RYR2: variants seen among roughly 807,000 people sequenced by gnomAD.
RYR2 encodes cardiac muscle ryanodine receptor-calcium release channel.
Under a neutral mutation model 601.1 loss-of-function variants are expected in RYR2, and 227 were observed. The observed-to-expected ratio is 0.38, with a 90% CI of 0.34 to 0.42. The LOEUF (loss-of-function observed/expected upper bound fraction) is 0.42. RYR2 is among the 10% of genes least tolerant of loss of function. RYR2 has a pLI of 1.00. For synonymous variants in RYR2, 2,223 were observed against 2,175.1 expected, an observed-to-expected ratio of 1.02 and a Z score of -0.61; for missense variants, 4,646 against 6,156.5, an observed-to-expected ratio of 0.75 and a Z score of 8.21.
chr1:237,085,531 A>T (rs954538263), intron 1 of RYR2, among the ~76,000 whole-genome samples: 13 of 152,218 alleles, frequency 8.5e-5, no homozygotes, highest in African/African-American at 2.4e-4. Flanking sequence ...GGCTGAAGCC[A>T]CAAGGGTATA....
Position 237,798,144 on chromosome 1 carries a change from A to C in RYR2, c.14064A>C (p.Pro4688=), listed in dbSNP as rs2149404496. 1 of 1,612,558 alleles carries C rather than the reference A, an allele frequency of 6.2e-7. No homozygotes were observed. The highest frequency in any genetic ancestry group is 8.5e-7 in the Non-Finnish European group (1 of 1,179,288). The part of the protein sequence containing the change: ...DFSDAREKKK[P]KKDSSLSAVL... Reference sequence around the variant, plus strand: ...GTGATGCCAGAGAAAAGAAGAAGCCAAAGAAAGACAGCTCCTTATCAGCTG... The same window carrying C: ...GTGATGCCAGAGAAAAGAAGAAGCCCAAGAAAGACAGCTCCTTATCAGCTG... Residue 4688 remains proline (P), a synonymous_variant, in exon 97 of 105, where the codon CCA becomes CCC. Transcript: ENST00000366574.
rs1349954317 is a variant in RYR2 at position 237,640,984 on chromosome 1, C to T, written c.7203C>T (p.Arg2401=). 2 of 1,612,042 alleles carry T rather than the reference C, an allele frequency of 1.2e-6. No homozygotes were observed. The highest frequency in any genetic ancestry group is 2.2e-5 in the East Asian group (1 of 44,858). ...CAGCTTTGATTGACCTCTTGGGACG[C>T]TGTGCTCCTGAGATGCATGTGAGTT... ...FYSALIDLLG[R]CAPEMHLIHA... is the part of the protein sequence containing the mutation. The change falls in exon 47 of 105, where the codon CGC becomes CGT. Residue 2401 remains arginine (R), a synonymous_variant. Coordinates refer to ENST00000366574, the MANE Select transcript of RYR2 (RefSeq NM_001035.3).
rs1320129086 is a variant in RYR2, at chr1:237,180,416, G to T, written c.49-90081G>T. On this transcript the variant is annotated intron_variant, in intron 1 of 104. Coordinates refer to ENST00000366574, the MANE Select transcript of RYR2 (RefSeq NM_001035.3). The surrounding 1 kb of genome is among the most constrained non-coding windows in gnomAD (Gnocchi z 5.3). Reference sequence around the variant, plus strand: ...CTGATTTATCTCTTGATTGCTCTCTGGTAACCGACTCTCCAGCCTCTTCAT... The same window carrying T: ...CTGATTTATCTCTTGATTGCTCTCTTGTAACCGACTCTCCAGCCTCTTCAT... 1.3e-5 allele frequency among the ~76,000 whole-genome samples: 2 copies of T among 151,854 alleles called. No individual in the cohort carries two copies. Among genetic ancestry groups the T allele is most frequent in the Non-Finnish European group, 2.9e-5 (2 of 68,004 alleles).
intron 17 of RYR2, among the ~76,000 whole-genome samples, chr1:237,480,592 AT>A (rs112095247): frequency 0.32 from 48,544 of 151,624 alleles, 9,374 homozygotes; most frequent in African/African-American, 0.56. Flanking sequence ...TAGTTTGTCT[AT>A]TTTTTTATAA....
At chr1:237,443,498 A>G (rs778394528) in intron 13 of RYR2, among the ~76,000 whole-genome samples, 36 of 152,220 alleles carry the variant, frequency 2.4e-4, no homozygotes, top group Non-Finnish European at 4.9e-4. Context: ...TAAAATAACT[A>G]AGTTACCAGA....
chr1:237,069,173 A>C (rs917585147), intron 1 of RYR2, among the ~76,000 whole-genome samples: 2 of 152,150 alleles, frequency 1.3e-5, no homozygotes, highest in Non-Finnish European at 2.9e-5. Context: ...CCCTAGAAAA[A>C]TCCATGCAGC....
At position 237,549,403 on chromosome 1, in the gene RYR2, C is replaced by T. The variant is rs906351668; in HGVS notation, c.3066+813C>T. Among the ~76,000 whole-genome samples, 7 of 151,868 alleles carry T rather than the reference C, an allele frequency of 4.6e-5. No homozygotes were observed. In the East Asian group the frequency reaches 1.2e-3, roughly 25 times the overall value. On this transcript the variant is annotated intron_variant, in intron 26 of 104. Coordinates refer to ENST00000366574, the MANE Select transcript of RYR2 (RefSeq NM_001035.3). ...CAGCCTGGGCAACATAGTGAGAGAC[C>T]GTCTCTACAAAAAATTAAAAAATTA...
At chr1:237,628,563 T>G (rs980747391) in intron 41 of RYR2, among the ~76,000 whole-genome samples, 3 of 152,148 alleles carry the variant, frequency 2.0e-5, no homozygotes, top group Non-Finnish European at 2.9e-5. Context: ...TCATTTTTTA[T>G]GGCTGCATAG....
chr1:237,818,771 C>G (rs902950576), intron 100 of RYR2, among the ~76,000 whole-genome samples: 2 of 151,468 alleles, frequency 1.3e-5, no homozygotes, highest in Non-Finnish European at 2.9e-5. Context: ...ATACAAGATG[C>G]TAGAAAATTT....
chr1:237,611,061 G>A, intron 36 of RYR2, 73 bp downstream of exon 36: 9 of 1,304,636 alleles, frequency 6.9e-6, no homozygotes, highest in Non-Finnish European at 8.7e-6. Flanking sequence ...GCTTCCGGTA[G>A]TGGTGCGGGG....
At chr1:237,333,730 A>C in intron 3 of RYR2, 1 of 433,750 alleles carries the variant, frequency 2.3e-6, no homozygotes, top group South Asian at 1.6e-5. Flanking sequence ...TCCCCTTTAC[A>C]CTCATTATGG....
intron 1 of RYR2, among the ~76,000 whole-genome samples, chr1:237,219,475 G>T (rs1683559596): frequency 6.6e-6 from 1 of 152,072 alleles, no homozygotes; most frequent in Admixed American, 6.6e-5. Context: ...GAACCCTCTT[G>T]CCCCCGGAGA....
At chr1:237,378,426 T>C (rs1701205976) in intron 8 of RYR2, among the ~76,000 whole-genome samples, 1 of 152,184 alleles carries the variant, frequency 6.6e-6, no homozygotes, top group African/African-American at 2.4e-5. Context: ...TAAGTTGAAA[T>C]GAAGATGTGA....
chr1:237,238,132 A>T (rs1685783831), intron 1 of RYR2, among the ~76,000 whole-genome samples: 1 of 151,244 alleles, frequency 6.6e-6, no homozygotes, highest in Admixed American at 6.6e-5. Flanking sequence ...CACCTGGCTA[A>T]TTTTTGTATT....
chr1:237,620,435 C>G (rs1001341494), intron 38 of RYR2, among the ~76,000 whole-genome samples: 10 of 151,952 alleles, frequency 6.6e-5, no homozygotes, highest in Admixed American at 4.6e-4. Context: ...TCAGAACAAA[C>G]GGAACCACAG....
intron 21 of RYR2, among the ~76,000 whole-genome samples, chr1:237,503,015 T>A (rs2150491477): frequency 6.6e-6 from 1 of 152,292 alleles, no homozygotes; most frequent in African/African-American, 2.4e-5. Context: ...GTGCATGTGC[T>A]TTTGGTTACT....
intron 1 of RYR2, among the ~76,000 whole-genome samples, chr1:237,062,232 A>G (rs1662972617): frequency 6.6e-6 from 1 of 152,274 alleles, no homozygotes; most frequent in South Asian, 2.1e-4. Flanking sequence ...CTTTCATTTC[A>G]GTTTAAATTT....
chr1:237,771,246 C>CA (rs1694248071), intron 85 of RYR2, among the ~76,000 whole-genome samples: 1 of 151,756 alleles, frequency 6.6e-6, no homozygotes, highest in African/African-American at 2.4e-5. Context: ...CCCATCTCTA[C>CA]AAAAAATTTA....
intron 24 of RYR2, among the ~76,000 whole-genome samples, chr1:237,520,295 T>C (rs1666964991): frequency 6.6e-6 from 1 of 152,216 alleles, no homozygotes; most frequent in Admixed American, 6.5e-5. Context: ...ATGCCATTTA[T>C]TTCTTTCCAT....
Sources: allele counts gnomAD v4.1 joint callset (sites outside exome capture counted in the v4.1 genomes callset), GRCh38; gene constraint gnomAD v4.1.1; non-coding constraint Gnocchi (gnomAD v3.1); transcripts MANE v1.5; gene names NCBI Gene and HGNC (gene_info 2026-07-23, HGNC 2026-07-21).